Variants in SEMA3E observed in about 807,000 individuals in gnomAD.
SEMA3E encodes semaphorin-3E.
In SEMA3E, 49 loss-of-function variants were observed where a neutral mutation model predicts 93.6. That is an observed-to-expected ratio of 0.52 (90% CI 0.42 to 0.66). The LOEUF is 0.66. Ranked by LOEUF, SEMA3E falls within the 30% of genes least tolerant of loss-of-function variation. The pLI, the probability that SEMA3E is intolerant of heterozygous loss-of-function variation, is 0.00. For synonymous variants in SEMA3E, 363 were observed against 330.7 expected (o/e 1.10, Z -1.06); for missense variants, 906 against 964.8 (o/e 0.94, Z 0.81).
chr7:83,499,105 C>T (rs916436821), intron 1 of SEMA3E, among the ~76,000 whole-genome samples: 11 of 152,092 alleles, frequency 7.2e-5, no homozygotes, highest in Admixed American at 2.0e-4. Flanking sequence ...GTTATAGTTG[C>T]AAATAACATT....
intron 1 of SEMA3E, among the ~76,000 whole-genome samples, chr7:83,522,062 T>C (rs1240381145): frequency 1.3e-5 from 2 of 152,256 alleles, no homozygotes; most frequent in East Asian, 3.9e-4. Context: ...AGAAGCATTA[T>C]AAAGATGTGC....
intron 1 of SEMA3E, among the ~76,000 whole-genome samples, chr7:83,613,555 A>G (rs934397606): frequency 6.6e-6 from 1 of 152,084 alleles, no homozygotes; most frequent in Non-Finnish European, 1.5e-5. Context: ...ATCTAAAACC[A>G]GATTTCAGGC....
At chr7:83,399,679 T>C (rs1788198067) in intron 11 of SEMA3E, among the ~76,000 whole-genome samples, 1 of 152,214 alleles carries the variant, frequency 6.6e-6, no homozygotes, top group Non-Finnish European at 1.5e-5. Flanking sequence ...CATTTATTCT[T>C]ATGCATGAAG....
chr7:83,465,380 A>G (rs1789731073), intron 4 of SEMA3E, among the ~76,000 whole-genome samples: 2 of 152,266 alleles, frequency 1.3e-5, no homozygotes, highest in South Asian at 2.1e-4. Context: ...ACGGATGCAC[A>G]TGAAACTAAT....
chr7:83,527,198 G>A (rs1250080368), intron 1 of SEMA3E, among the ~76,000 whole-genome samples: 1 of 151,994 alleles, frequency 6.6e-6, no homozygotes, highest in African/African-American at 2.4e-5. Flanking sequence ...GGAAAAAAAG[G>A]TTTTTTTCTC....
chr7:83,593,284 CTGTGTGTGTGTGTGTGTGTGTGTG>C lies in SEMA3E; in HGVS notation c.115+55120_115+55143del, dbSNP rs66605514. On this transcript the variant is annotated intron_variant, in intron 1 of 16. Coordinates refer to ENST00000643230, the MANE Select transcript of SEMA3E (RefSeq NM_012431.3). The stretch of plus-strand genomic sequence containing the variant: ...TGTCTCTCTCTCTCTCTCTCTCTCT[CTGTGTGTGTGTGTGTGTGTGTGTG>C]TGTGTGTGTGTGTGTGTGTGTGTGT... 2.3e-3 allele frequency among the ~76,000 whole-genome samples: 274 copies of C among 116,754 alleles called. 4 individuals carry two copies. The highest frequency in any genetic ancestry group is 0.013 in the Middle Eastern group (3 of 236). The allele number at this position is 116,754 out of a possible 152,430, so 76.6% of individuals were successfully genotyped here.
chr7:83,463,576 A>G (rs1296821779), intron 4 of SEMA3E, among the ~76,000 whole-genome samples: 1 of 151,936 alleles, frequency 6.6e-6, no homozygotes, highest in Non-Finnish European at 1.5e-5. Context: ...TCTCTGATCC[A>G]CCTGACATTC....
At chr7:83,452,924 AAGC>A (rs2115826296) in intron 4 of SEMA3E, among the ~76,000 whole-genome samples, 1 of 152,310 alleles carries the variant, frequency 6.6e-6, no homozygotes, top group African/African-American at 2.4e-5. Context: ...TCAGTAAAGA[AAGC>A]AGAAGAAACA....
At chr7:83,605,520 T>G (rs1426330017) in intron 1 of SEMA3E, among the ~76,000 whole-genome samples, 1 of 151,542 alleles carries the variant, frequency 6.6e-6, no homozygotes, top group Admixed American at 6.6e-5. Flanking sequence ...AAACTCCACC[T>G]CCCAGGATCA....
At chr7:83,586,617 G>T (rs973920929) in intron 1 of SEMA3E, among the ~76,000 whole-genome samples, 1 of 151,584 alleles carries the variant, frequency 6.6e-6, no homozygotes, top group Admixed American at 6.6e-5. Flanking sequence ...GATTTGGCAC[G>T]CTATTTTAAT....
At chr7:83,536,958 C>T (rs1311316318) in intron 1 of SEMA3E, among the ~76,000 whole-genome samples, 1 of 152,040 alleles carries the variant, frequency 6.6e-6, no homozygotes, top group Non-Finnish European at 1.5e-5. Context: ...TAATTAAGGT[C>T]ATTAAGGTGG....
chr7:83,488,153 A>C (rs1295194598), intron 2 of SEMA3E, among the ~76,000 whole-genome samples: 2 of 152,098 alleles, frequency 1.3e-5, no homozygotes, highest in Non-Finnish European at 2.9e-5. Flanking sequence ...AAGTGTTTCA[A>C]AGTATGCATA....
intron 1 of SEMA3E, among the ~76,000 whole-genome samples, chr7:83,494,641 T>C (rs1790451168): frequency 1.3e-5 from 2 of 151,998 alleles, no homozygotes; most frequent in South Asian, 4.2e-4. Context: ...GCCAAGGTAA[T>C]TTATCTCTTA....
At position 83,446,068 on chromosome 7, in the gene SEMA3E, G is replaced by A. The variant is rs76071662; in HGVS notation, c.456+20414C>T. 6.7e-3 allele frequency among the ~76,000 whole-genome samples: 1,016 copies of A among 152,236 alleles called. 10 individuals carry two copies. Among genetic ancestry groups the A allele is most frequent in the African/African-American group, 0.024 (985 of 41,534 alleles). On this transcript the variant is annotated intron_variant, in intron 4 of 16. Transcript: ENST00000643230. ...ACTTTGACAAGCTACTCATTAAAAT[G>A]GAGTCTTAAGTTTATAGGTAAGGAA...
intron 1 of SEMA3E, among the ~76,000 whole-genome samples, chr7:83,620,200 A>AT (rs1480291569): frequency 1.3e-5 from 2 of 151,986 alleles, no homozygotes; most frequent in Admixed American, 1.3e-4. Context: ...AAAAATACAA[A>AT]TGATGAAAGG....
At chr7:83,384,345 C>A (rs1250197967) in intron 16 of SEMA3E, among the ~76,000 whole-genome samples, 1 of 152,040 alleles carries the variant, frequency 6.6e-6, no homozygotes, top group African/African-American at 2.4e-5. Context: ...ACTCTCTATC[C>A]AAAATGCACC....
At chr7:83,587,652 A>T (rs1432937135) in intron 1 of SEMA3E, among the ~76,000 whole-genome samples, 1 of 152,090 alleles carries the variant, frequency 6.6e-6, no homozygotes, top group Non-Finnish European at 1.5e-5. Context: ...ATATATAAAA[A>T]GTTGTGGATA....
chr7:83,561,658 T>C (rs1792032073), intron 1 of SEMA3E, among the ~76,000 whole-genome samples: 1 of 152,152 alleles, frequency 6.6e-6, no homozygotes, highest in South Asian at 2.1e-4. Context: ...TTCAATTCAC[T>C]TTGAAAATTG....
At chr7:83,436,741 T>A (rs1485766984) in intron 4 of SEMA3E, among the ~76,000 whole-genome samples, 1 of 152,168 alleles carries the variant, frequency 6.6e-6, no homozygotes, top group African/African-American at 2.4e-5. Context: ...TTATTTTCTT[T>A]TTGTTGTTAT....
Sources: gnomAD v4.1 joint callset for allele counts (sites outside exome capture counted in the v4.1 genomes callset) on GRCh38, gnomAD v4.1.1 for gene constraint, MANE v1.5 for transcripts, NCBI Gene and HGNC (gene_info 2026-07-23, HGNC 2026-07-21) for gene names.